The following IMMP2L variants were observed in gnomAD, a reference collection of about 807,000 sequenced individuals.
IMMP2L encodes the protein inner mitochondrial membrane peptidase subunit 2.
Under a neutral mutation model 19.3 loss-of-function variants are expected in IMMP2L, and 18 were observed. The observed-to-expected ratio is 0.93, with a 90% CI of 0.64 to 1.38. The LOEUF (loss-of-function observed/expected upper bound fraction) is 1.38. Ranked by LOEUF, IMMP2L falls within the 40% of genes most tolerant of loss-of-function variation. The pLI is 0.00. For synonymous variants in IMMP2L, 76 were observed against 73.0 expected, an observed-to-expected ratio of 1.04 and a Z score of -0.21; for missense variants, 233 against 218.2, an observed-to-expected ratio of 1.07 and a Z score of -0.43.
chr7:111,403,008 CG>C (rs1833594422), intron 3 of IMMP2L, among the ~76,000 whole-genome samples: 16 of 117,938 alleles, frequency 1.4e-4, no homozygotes, highest in African/African-American at 5.8e-4. Context: ...CCCCCCACCC[CG>C]CCAGGCTCAG....
chr7:111,218,242 C>G (rs1189694741), intron 3 of IMMP2L, among the ~76,000 whole-genome samples: 3 of 152,054 alleles, frequency 2.0e-5, no homozygotes, highest in Non-Finnish European at 2.9e-5. Context: ...ATCACCAGAC[C>G]TGGTAAACCA....
rs117069714 is a variant in IMMP2L at position 110,917,779 on chromosome 7, T to C, written c.306-31084A>G. Among the ~76,000 whole-genome samples the C allele has an allele frequency of 4.0e-3, 608 of 152,048 alleles. 2 individuals carry two copies. The highest frequency in any genetic ancestry group is 7.0e-3 in the Non-Finnish European group (476 of 67,962). On this transcript the variant is annotated intron_variant, in intron 4 of 5. Coordinates refer to ENST00000405709, the MANE Select transcript of IMMP2L (RefSeq NM_032549.4). ...ATGTATTATCTACTCAAAAATAAATTACAAAAGAAAAACATCAGTTGCCTG... is the reference window on the plus strand; with the variant it reads ...ATGTATTATCTACTCAAAAATAAATCACAAAAGAAAAACATCAGTTGCCTG...
intron 5 of IMMP2L, among the ~76,000 whole-genome samples, chr7:110,683,202 T>A (rs1482668151): frequency 6.6e-6 from 1 of 152,106 alleles, no homozygotes; most frequent in Non-Finnish European, 1.5e-5. Context: ...CAGTTATACA[T>A]CTGTTTATAT....
At chr7:111,442,746 C>T (rs895909002) in intron 3 of IMMP2L, among the ~76,000 whole-genome samples, 2 of 151,832 alleles carry the variant, frequency 1.3e-5, no homozygotes, top group African/African-American at 4.9e-5. Flanking sequence ...AATACATACA[C>T]TAATAGAATT....
At chr7:111,034,580 G>A (rs184405337) in intron 3 of IMMP2L, among the ~76,000 whole-genome samples, 4 of 152,080 alleles carry the variant, frequency 2.6e-5, no homozygotes, top group African/African-American at 9.6e-5. Flanking sequence ...ACCCATCTAT[G>A]CCTAGGGAAA....
chr7:111,471,692 A>G (rs1460944023), intron 3 of IMMP2L, among the ~76,000 whole-genome samples: 1 of 152,158 alleles, frequency 6.6e-6, no homozygotes, highest in Non-Finnish European at 1.5e-5. Flanking sequence ...TAGACAATTT[A>G]AAATCACATA....
chr7:111,116,376 C>G (rs2129585658), intron 3 of IMMP2L, among the ~76,000 whole-genome samples: 1 of 152,042 alleles, frequency 6.6e-6, no homozygotes, highest in East Asian at 1.9e-4. Context: ...TTGAAAATCT[C>G]AAAATATCAG....
intron 3 of IMMP2L, among the ~76,000 whole-genome samples, chr7:111,348,748 C>T (rs1827837180): frequency 2.0e-5 from 3 of 152,006 alleles, no homozygotes; most frequent in Non-Finnish European, 2.9e-5. Context: ...TAAAATATAT[C>T]TCATAGGTCC....
chr7:111,364,822 T>A (rs1449840790), intron 3 of IMMP2L, among the ~76,000 whole-genome samples: 3 of 151,274 alleles, frequency 2.0e-5, no homozygotes, highest in Admixed American at 1.3e-4. Context: ...AATACAAAAA[T>A]CAGCCAGGTG....
In IMMP2L at chr7:110,961,671, T is replaced by C. The variant is rs10232898; in HGVS notation, c.305+1829A>G. ...ACACTGGAAACAATCCTAATATGCA[T>C]CAAGTTGTGAATGGATAAACAAAAT... On this transcript the variant is annotated intron_variant, in intron 4 of 5. Coordinates refer to ENST00000405709, the MANE Select transcript of IMMP2L (RefSeq NM_032549.4). 9.9e-3 allele frequency among the ~76,000 whole-genome samples: 1,511 copies of C among 151,962 alleles called. 21 individuals carry two copies. Among genetic ancestry groups the C allele is most frequent in the African/African-American group, 0.034 (1,397 of 41,492 alleles).
chr7:110,890,145 C>A (rs1363576610), intron 4 of IMMP2L, among the ~76,000 whole-genome samples: 1 of 152,162 alleles, frequency 6.6e-6, no homozygotes, highest in African/African-American at 2.4e-5. Context: ...TGACTATAGA[C>A]TATTTTTAAT....
At chr7:111,451,311 C>T (rs1839144370) in intron 3 of IMMP2L, among the ~76,000 whole-genome samples, 1 of 150,754 alleles carries the variant, frequency 6.6e-6, no homozygotes, top group Non-Finnish European at 1.5e-5. Context: ...TGGAACCAAC[C>T]CAAATGTCCA....
chr7:111,214,078 T>C (rs957453072), intron 3 of IMMP2L, among the ~76,000 whole-genome samples: 2 of 152,084 alleles, frequency 1.3e-5, no homozygotes, highest in African/African-American at 2.4e-5. Flanking sequence ...AGGCAGGTAA[T>C]GATTTTATCT....
intron 3 of IMMP2L, among the ~76,000 whole-genome samples, chr7:111,449,096 C>A (rs1265691916): frequency 0.02 from 3,032 of 150,170 alleles, 97 homozygotes; most frequent in African/African-American, 0.07. Context: ...GAGTCCAGGA[C>A]CAGATGGATT....
chr7:111,468,107 G>C (rs1349083740), intron 3 of IMMP2L, among the ~76,000 whole-genome samples: 1 of 151,986 alleles, frequency 6.6e-6, no homozygotes, highest in Non-Finnish European at 1.5e-5. Context: ...ATATACTAAT[G>C]GCCATAATTA....
chr7:111,446,818 A>C (rs757159195), intron 3 of IMMP2L, among the ~76,000 whole-genome samples: 85 of 151,788 alleles, frequency 5.6e-4, no homozygotes, highest in Non-Finnish European at 1.1e-3. Context: ...AAAAAAATTT[A>C]GAAGAATGTA....
chr7:111,315,609 T>C (rs1314510612), intron 3 of IMMP2L, among the ~76,000 whole-genome samples: 2 of 151,970 alleles, frequency 1.3e-5, no homozygotes, highest in African/African-American at 2.4e-5. Context: ...AGACTTAAGC[T>C]CTATTTAATG....
At chr7:111,079,412 C>T (rs573880591) in intron 3 of IMMP2L, among the ~76,000 whole-genome samples, 6 of 152,188 alleles carry the variant, frequency 3.9e-5, no homozygotes, top group East Asian at 1.9e-4. Flanking sequence ...CCACCGCGCC[C>T]GGCCTAATTT....
intron 3 of IMMP2L, among the ~76,000 whole-genome samples, chr7:111,478,004 G>T (rs1841863131): frequency 6.6e-6 from 1 of 152,044 alleles, no homozygotes; most frequent in Non-Finnish European, 1.5e-5. Context: ...TTTTCATTCT[G>T]TGGATTGATG....
Sources: gnomAD v4.1 joint callset for allele counts (sites outside exome capture counted in the v4.1 genomes callset) on GRCh38, gnomAD v4.1.1 for gene constraint, MANE v1.5 for transcripts, NCBI Gene and HGNC (gene_info 2026-07-23, HGNC 2026-07-21) for gene names.